The following RBM27 variants were observed in gnomAD, a reference collection of about 807,000 sequenced individuals.
The protein encoded by RBM27 is RNA-binding protein 27.
RBM27 carries 22 observed loss-of-function variants against 135.3 expected under a neutral mutation model. That is an observed-to-expected ratio of 0.16 (90% CI 0.12 to 0.23). RBM27 has a LOEUF of 0.23. Ranked by LOEUF, RBM27 falls within the 10% of genes least tolerant of loss-of-function variation. RBM27 has a pLI of 1.00. For synonymous variants in RBM27, 481 were observed against 442.4 expected, an observed-to-expected ratio of 1.09 and a Z score of -1.10; for missense variants, 1,009 against 1,281.0, an observed-to-expected ratio of 0.79 and a Z score of 3.24.
At chr5:146,210,555 A>G (rs1050649514) in intron 1 of RBM27, among the ~76,000 whole-genome samples, 1 of 152,092 alleles carries the variant, frequency 6.6e-6, no homozygotes, top group East Asian at 1.9e-4. Flanking sequence ...ATGAGAGGAC[A>G]CAGAAGGTAC....
At chr5:146,279,865 T>C (rs1456407599) in intron 19 of RBM27, among the ~76,000 whole-genome samples, 1 of 152,016 alleles carries the variant, frequency 6.6e-6, no homozygotes, top group African/African-American at 2.4e-5. Context: ...TTTATTAATC[T>C]TTTTCCATTC....
intron 13 of RBM27, among the ~76,000 whole-genome samples, chr5:146,262,190 T>C (rs1171922537): frequency 6.6e-6 from 1 of 152,246 alleles, no homozygotes; most frequent in East Asian, 1.9e-4. Flanking sequence ...ATACAGGGCC[T>C]ATAAATATAC....
rs559386777 is a variant in RBM27, at chr5:146,223,738, T to G, written c.303+211T>G. Among the ~76,000 whole-genome samples, 3 of 152,292 alleles carry G rather than the reference T, an allele frequency of 2.0e-5. No homozygotes were observed. In the East Asian group the frequency reaches 5.8e-4, roughly 29 times the overall value. ...AGCTTGTTTAGAGATCCAAGAAATATTTCAGAAATATTGAGGAAGTCAGAG... is the reference window on the plus strand; with the variant it reads ...AGCTTGTTTAGAGATCCAAGAAATAGTTCAGAAATATTGAGGAAGTCAGAG... On this transcript the variant is annotated intron_variant, in intron 3 of 20. Transcript: ENST00000265271.
intron 19 of RBM27, among the ~76,000 whole-genome samples, chr5:146,276,736 A>G (rs1326159975): frequency 6.6e-6 from 1 of 152,148 alleles, no homozygotes; most frequent in African/African-American, 2.4e-5. Flanking sequence ...TGCTTCATTG[A>G]TTGCCCTTCA....
chr5:146,256,587 G>A (rs997265674), intron 10 of RBM27, among the ~76,000 whole-genome samples: 3 of 151,842 alleles, frequency 2.0e-5, no homozygotes, highest in Non-Finnish European at 4.4e-5. Flanking sequence ...CTGACCTCAG[G>A]TGATCCAGAT....
At position 146,258,530 on chromosome 5, in the gene RBM27, A is replaced by G; in HGVS notation, c.1676A>G (p.Asp559Gly). 6.2e-7 allele frequency: 1 copy of G among 1,601,858 alleles called. No individual in the cohort carries two copies. Among genetic ancestry groups the G allele is most frequent in the Non-Finnish European group, 8.5e-7 (1 of 1,173,912 alleles). Residue 559 changes from aspartate to glycine, a missense_variant, in exon 11 of 21, where the codon GAT becomes GGT. Around this residue, in one of 6 missense-constraint regions of RBM27, gnomAD observed 329 missense variants for 368.1 expected, o/e 0.89. Coordinates refer to ENST00000265271, the MANE Select transcript of RBM27 (RefSeq NM_018989.2). The stretch of plus-strand genomic sequence containing the variant: ...ATAACCAGAGTAGTTCTTGAACCAG[A>G]TAGTCGAAAAAGAGCTATGAGTGGT... ...SNITRVVLEPDSRKRAMSGLE... is the reference protein window; with the variant it reads ...SNITRVVLEPGSRKRAMSGLE...
chr5:146,253,055 T>C (rs1332122239), intron 9 of RBM27, among the ~76,000 whole-genome samples: 1 of 152,124 alleles, frequency 6.6e-6, no homozygotes, highest in African/African-American at 2.4e-5. Context: ...TGGAGTGCAA[T>C]GGGGTGATCT....
chr5:146,254,607 G>C (rs1758031669), intron 9 of RBM27, among the ~76,000 whole-genome samples: 1 of 151,892 alleles, frequency 6.6e-6, no homozygotes, highest in Non-Finnish European at 1.5e-5. Flanking sequence ...AGGAATGCAA[G>C]TTTTAAAAAC....
intron 3 of RBM27, among the ~76,000 whole-genome samples, chr5:146,226,041 T>A (rs1756660946): frequency 6.6e-6 from 1 of 150,872 alleles, no homozygotes. Context: ...TTTTTTTTTT[T>A]TTTTTCAGTA....
intron 5 of RBM27, 120 bp from the exon 6 acceptor site, chr5:146,230,537 G>T: frequency 9.7e-7 from 1 of 1,029,912 alleles, no homozygotes; most frequent in Non-Finnish European, 1.4e-6. Context: ...ATGAAATATG[G>T]ATAGCTAGAT....
At chr5:146,221,592 C>T (rs536654598) in intron 2 of RBM27, among the ~76,000 whole-genome samples, 52 of 152,242 alleles carry the variant, frequency 3.4e-4, no homozygotes, top group African/African-American at 1.2e-3. Context: ...TACCACCACA[C>T]GTGGCTAATT....
At chr5:146,279,994 C>T (rs1410856673) in intron 19 of RBM27, among the ~76,000 whole-genome samples, 2 of 151,802 alleles carry the variant, frequency 1.3e-5, no homozygotes, top group Non-Finnish European at 2.9e-5. Flanking sequence ...ATTATACATA[C>T]AGGGCTGCAT....
intron 3 of RBM27, among the ~76,000 whole-genome samples, chr5:146,224,405 G>A (rs997354105): frequency 6.6e-6 from 1 of 152,062 alleles, no homozygotes; most frequent in Non-Finnish European, 1.5e-5. Flanking sequence ...CAAGAGGCTG[G>A]GCATGGTGGC....
intron 1 of RBM27, among the ~76,000 whole-genome samples, chr5:146,210,122 G>T (rs927266827): frequency 7.2e-5 from 11 of 152,138 alleles, no homozygotes; most frequent in African/African-American, 2.7e-4. Context: ...GGCCATGGGC[G>T]TGCAGGGCAA....
chr5:146,215,678 CA>C (rs1014027110), intron 1 of RBM27, among the ~76,000 whole-genome samples: 1 of 152,066 alleles, frequency 6.6e-6, no homozygotes, highest in African/African-American at 2.4e-5. Context: ...TCATTATTCT[CA>C]GGGGTGAAAT....
chr5:146,213,405 G>A (rs985104735), intron 1 of RBM27, among the ~76,000 whole-genome samples: 1 of 152,062 alleles, frequency 6.6e-6, no homozygotes, highest in Non-Finnish European at 1.5e-5. Context: ...AGCCAAGAGT[G>A]TGGATATTTT....
chr5:146,283,469 C>T (rs527720364), intron 19 of RBM27, among the ~76,000 whole-genome samples: 7 of 151,686 alleles, frequency 4.6e-5, no homozygotes, highest in East Asian at 1.9e-4. Context: ...CCCAGGGAGT[C>T]GAGGCTGCAG....
At chr5:146,267,866 C>T in intron 15 of RBM27, 98 bp downstream of exon 15, 1 of 1,176,898 alleles carries the variant, frequency 8.5e-7, no homozygotes, top group East Asian at 2.5e-5. Context: ...GTTGGCAGGG[C>T]ATAACATCAT....
intron 8 of RBM27, among the ~76,000 whole-genome samples, chr5:146,249,049 C>T (rs970818619): frequency 1.3e-5 from 2 of 152,082 alleles, no homozygotes; most frequent in Middle Eastern, 3.2e-3. Context: ...GTGGCACAAT[C>T]GTGGCTCACT....
Sources: allele counts gnomAD v4.1 joint callset (sites outside exome capture counted in the v4.1 genomes callset), GRCh38; gene constraint gnomAD v4.1.1; regional missense constraint gnomAD v4.1.1; transcripts MANE v1.5; gene names NCBI Gene and HGNC (gene_info 2026-07-23, HGNC 2026-07-21).